Variants in TP73 observed in about 807,000 individuals in gnomAD.
TP73 encodes tumor protein p73.
Under a neutral mutation model 62.5 loss-of-function variants are expected in TP73, and 25 were observed. The observed-to-expected ratio is 0.40, with a 90% confidence interval of 0.29 to 0.56. TP73 has a LOEUF of 0.56. Ranked by LOEUF, TP73 falls within the 20% of genes least tolerant of loss-of-function variation. The pLI is 0.46. For missense variants in TP73, 754 were observed against 913.3 expected, an observed-to-expected ratio of 0.83 and a Z score of 2.25; for synonymous variants, 423 against 377.5, an observed-to-expected ratio of 1.12 and a Z score of -1.40.
chr1:3,697,069 C>A (rs1467321888), intron 3 of TP73, among the ~76,000 whole-genome samples: 1 of 152,210 alleles, frequency 6.6e-6, no homozygotes, highest in Non-Finnish European at 1.5e-5. Context: ...CTCGCCTTTG[C>A]TCAGGCCAGA....
At chr1:3,664,672 C>T (rs537258183) in intron 1 of TP73, among the ~76,000 whole-genome samples, 10 of 152,146 alleles carry the variant, frequency 6.6e-5, no homozygotes, top group Admixed American at 2.0e-4. Context: ...TTGTAGGGGA[C>T]GGGGAGCAGC....
In TP73 at chr1:3,662,163, A is replaced by C. The variant is rs1645008898; in HGVS notation, c.-34+9522A>C. 6.6e-6 allele frequency: 1 copy of C among 152,220 alleles called. No homozygotes were observed. The highest frequency in any genetic ancestry group is 1.5e-5 in the Non-Finnish European group (1 of 68,062). The allele number at this position is 152,220 out of a possible 1,614,324, so 9.4% of individuals were successfully genotyped here. On this transcript the variant is annotated intron_variant, in intron 1 of 13. Coordinates refer to ENST00000378295, the MANE Select transcript of TP73 (RefSeq NM_005427.4). The surrounding 1 kb of genome is among the most constrained non-coding windows in gnomAD (Gnocchi z 4.4). ...GTGGAGACCAGGCACCTGCTGGAGC[A>C]GGAACTCTTCCTTCACCGGCTTCTG...
intron 3 of TP73, among the ~76,000 whole-genome samples, chr1:3,692,619 G>T (rs1645877463): frequency 6.6e-6 from 1 of 152,148 alleles, no homozygotes; most frequent in Non-Finnish European, 1.5e-5. Flanking sequence ...GCTGGGAGGG[G>T]CTATCTCCCG....
intron 3 of TP73, among the ~76,000 whole-genome samples, chr1:3,687,837 T>C (rs1340467195): frequency 6.6e-6 from 1 of 151,888 alleles, no homozygotes; most frequent in Admixed American, 6.6e-5. Context: ...CTACAGCTGG[T>C]GGGGCAGAAG....
rs1349928250 is a variant in TP73 at position 3,735,681 on chromosome 1, C to G, written c.*2602C>G. 6.6e-6 allele frequency: 1 copy of G among 152,230 alleles called. No individual in the cohort carries two copies. Among genetic ancestry groups the G allele is most frequent in the African/African-American group, 2.4e-5 (1 of 41,448 alleles). The allele number at this position is 152,230 out of a possible 1,614,324, so 9.4% of individuals were successfully genotyped here. Reference sequence around the variant, plus strand: ...AAATCTTGAAGGCGGATGGTTTTCCCAGCAGTGCAGGGGTTGGAGGGAGGC... The same window carrying G: ...AAATCTTGAAGGCGGATGGTTTTCCGAGCAGTGCAGGGGTTGGAGGGAGGC... On this transcript the variant is annotated 3_prime_UTR_variant, in exon 14 of 14. Transcript: ENST00000378295.
At chr1:3,683,731 C>G (rs1645579465) in intron 3 of TP73, among the ~76,000 whole-genome samples, 1 of 152,248 alleles carries the variant, frequency 6.6e-6, no homozygotes. Context: ...GCAGTCCTGC[C>G]TCCCGTTGAT....
intron 1 of TP73, among the ~76,000 whole-genome samples, chr1:3,679,973 GTCTC>G (rs933583080): frequency 2.7e-5 from 4 of 150,164 alleles, no homozygotes; most frequent in Admixed American, 6.6e-5. Flanking sequence ...CTTTGTCCCT[GTCTC>G]TCTGTCTCTC....
At chr1:3,706,574 A>G (rs966202371) in intron 3 of TP73, among the ~76,000 whole-genome samples, 4 of 152,046 alleles carry the variant, frequency 2.6e-5, no homozygotes, top group Non-Finnish European at 5.9e-5. Flanking sequence ...AGCGCTGTTT[A>G]TACATGTGCA....
In TP73 at chr1:3,701,214, G is replaced by A. The variant is rs954781056; in HGVS notation, c.187-6335G>A. On this transcript the variant is annotated intron_variant, in intron 3 of 13. Transcript: ENST00000378295. This position sits in a 1 kb window ranked among gnomAD's most constrained non-coding sequence, Gnocchi z 4.7. Reference sequence around the variant, plus strand: ...CCGACCCCTGTGAGCACCTGCCCCCGAGAGCACCTGCTCTTCCCCATCCGT... The same window carrying A: ...CCGACCCCTGTGAGCACCTGCCCCCAAGAGCACCTGCTCTTCCCCATCCGT... Among the ~76,000 whole-genome samples the A allele has an allele frequency of 2.6e-5, 4 of 152,138 alleles. No homozygotes were observed. Among genetic ancestry groups the A allele is most frequent in the African/African-American group, 9.7e-5 (4 of 41,446 alleles).
At chr1:3,702,986 A>G (rs1336695903) in intron 3 of TP73, among the ~76,000 whole-genome samples, 1 of 152,134 alleles carries the variant, frequency 6.6e-6, no homozygotes, top group East Asian at 1.9e-4. Flanking sequence ...CCCCAGGGAA[A>G]GCTCCTTGCC....
At chr1:3,720,608 G>C (rs1448671624) in intron 4 of TP73, among the ~76,000 whole-genome samples, 1 of 152,222 alleles carries the variant, frequency 6.6e-6, no homozygotes, top group Admixed American at 6.5e-5. Context: ...GGGTGCCGGG[G>C]ACCCAGGCCC....
chr1:3,727,234 G>A lies in TP73; in HGVS notation c.842+10G>A, dbSNP rs368318185. The A allele has an allele frequency of 1.5e-5, 24 of 1,609,448 alleles. No individual in the cohort carries two copies. Among genetic ancestry groups the A allele is most frequent in the African/African-American group, 1.1e-4 (8 of 74,844 alleles). On this transcript the variant is annotated intron_variant, in intron 7 of 13. Coordinates refer to ENST00000378295, the MANE Select transcript of TP73 (RefSeq NM_005427.4). ...CCCTGGAGATGCGGGAGTGAGTCCC[G>A]GGCACACGGGGTGGAGGTGGGACAG...
intron 12 of TP73, 68 bp downstream of exon 12, chr1:3,731,133 A>G (rs1642108309): frequency 2.6e-6 from 4 of 1,563,198 alleles, no homozygotes; most frequent in South Asian, 2.3e-5. Flanking sequence ...CCTTCTGGCC[A>G]TGTCAGCTGC....
Position 3,682,319 on chromosome 1 carries a change from CT to C in TP73, c.-33-12del. On this transcript the variant is annotated splice_polypyrimidine_tract_variant and intron_variant, in intron 1 of 13. Transcript: ENST00000378295. ...TTCCCAGGGTGCTCAGGTGTCATTC[CT>C]TCCTTCCTGCAGAGCGAGCTGCCCT... is the stretch of plus-strand genomic sequence containing the variant. 6.9e-7 allele frequency: 1 copy of C among 1,456,978 alleles called. No homozygotes were observed. The highest frequency in any genetic ancestry group is 2.7e-5 in the East Asian group (1 of 37,506). The allele number at this position is 1,456,978 out of a possible 1,614,324, so 90.3% of individuals were successfully genotyped here.
chr1:3,678,735 C>G (rs796811583), intron 1 of TP73, among the ~76,000 whole-genome samples: 10 of 152,318 alleles, frequency 6.6e-5, no homozygotes, highest in African/African-American at 2.4e-4. Flanking sequence ...GGGCCTGTCC[C>G]AGGCTCTTCA....
In TP73 at chr1:3,681,383, C is replaced by T. The variant is rs1332396064; in HGVS notation, c.-33-950C>T. On this transcript the variant is annotated intron_variant, in intron 1 of 13. Transcript: ENST00000378295. ...GTGGGCTCGGGTTTCCCTGTCCCCTCCCCCAGCTGTGCTCTGCCTGGACAC... is the reference window on the plus strand; with the variant it reads ...GTGGGCTCGGGTTTCCCTGTCCCCTTCCCCAGCTGTGCTCTGCCTGGACAC... Among the ~76,000 whole-genome samples the T allele has an allele frequency of 3.9e-5, 6 of 152,156 alleles. No homozygotes were observed. In the East Asian group the frequency reaches 1.2e-3, roughly 29 times the overall value.
At chr1:3,654,011 T>G (rs996129067) in intron 1 of TP73, among the ~76,000 whole-genome samples, 1 of 152,124 alleles carries the variant, frequency 6.6e-6, no homozygotes, top group African/African-American at 2.4e-5. Context: ...CAGTCTCTAC[T>G]TGAAATACAA....
chr1:3,662,563 G>T lies in TP73; in HGVS notation c.-34+9922G>T, dbSNP rs1014096520. 4.6e-5 allele frequency among the ~76,000 whole-genome samples: 7 copies of T among 152,228 alleles called. No individual in the cohort carries two copies. The highest frequency in any genetic ancestry group is 1.7e-4 in the African/African-American group (7 of 41,454). On this transcript the variant is annotated intron_variant, in intron 1 of 13. Coordinates refer to ENST00000378295, the MANE Select transcript of TP73 (RefSeq NM_005427.4). This position sits in a 1 kb window ranked among gnomAD's most constrained non-coding sequence, Gnocchi z 4.4. ...CTCCTCCCGGCATAGAGACCTTTAC[G>T]AATGGAAATGTCTTTCATTTCTCTC...
At chr1:3,687,173 C>T (rs767656323) in intron 3 of TP73, among the ~76,000 whole-genome samples, 19 of 152,166 alleles carry the variant, frequency 1.2e-4, no homozygotes, top group Admixed American at 2.6e-4. Flanking sequence ...AATAGGGCCC[C>T]GTTCTGCAAG....
Sources: allele counts gnomAD v4.1 joint callset (sites outside exome capture counted in the v4.1 genomes callset), GRCh38; gene constraint gnomAD v4.1.1; non-coding constraint Gnocchi (gnomAD v3.1); transcripts MANE v1.5; gene names NCBI Gene and HGNC (gene_info 2026-07-23, HGNC 2026-07-21).